The following DLC1 variants were observed in gnomAD, a reference collection of about 807,000 sequenced individuals.
DLC1 encodes DLC1 Rho GTPase activating protein.
In DLC1, 54 loss-of-function variants were observed where a neutral mutation model predicts 140.3. That is an observed-to-expected ratio of 0.38 (90% CI 0.31 to 0.48). The LOEUF (loss-of-function observed/expected upper bound fraction) is 0.48, where lower values mean the gene tolerates loss of function less well. Among genes scored for constraint, DLC1 ranks in the 20% least tolerant of loss-of-function variants. The pLI is 0.96. For synonymous variants in DLC1, 986 were observed against 728.1 expected, an observed-to-expected ratio of 1.35 and a Z score of -5.70; for missense variants, 2,536 against 1,907.0, an observed-to-expected ratio of 1.33 and a Z score of -6.14.
intron 12 of DLC1, among the ~76,000 whole-genome samples, chr8:13,093,228 A>G (rs1204600081): frequency 6.6e-6 from 1 of 152,180 alleles, no homozygotes; most frequent in Non-Finnish European, 1.5e-5. Flanking sequence ...GAAAAATCTT[A>G]TCTGAGATAT....
chr8:13,227,345 G>T (rs1828841593), intron 5 of DLC1, among the ~76,000 whole-genome samples: 1 of 152,066 alleles, frequency 6.6e-6, no homozygotes, highest in African/African-American at 2.4e-5. Flanking sequence ...CTTTATTTCA[G>T]CCCAAATCCA....
At chr8:13,410,414 T>C (rs1020265700) in intron 2 of DLC1, among the ~76,000 whole-genome samples, 2 of 152,028 alleles carry the variant, frequency 1.3e-5, no homozygotes, top group African/African-American at 4.8e-5. Context: ...ACAGAGATGA[T>C]TATATTACAA....
chr8:13,161,216 A>G (rs753588950), intron 5 of DLC1, among the ~76,000 whole-genome samples: 4 of 152,234 alleles, frequency 2.6e-5, no homozygotes, highest in Non-Finnish European at 5.9e-5. Flanking sequence ...TGAAACCTAG[A>G]TGAAGGCGTG....
At position 13,280,794 on chromosome 8, in the gene DLC1, A is replaced by T. The variant is rs77658267; in HGVS notation, c.1348+24475T>A. On this transcript the variant is annotated intron_variant, in intron 5 of 17. Coordinates refer to ENST00000276297, the MANE Select transcript of DLC1 (RefSeq NM_182643.3). Reference sequence around the variant, plus strand: ...AGTGCTGGAAGATCCTTTCAAAAGAATGTGAATAATGATGGGAAATGAAAA... The same window carrying T: ...AGTGCTGGAAGATCCTTTCAAAAGATTGTGAATAATGATGGGAAATGAAAA... Among the ~76,000 whole-genome samples, 663 of 152,298 alleles carry T rather than the reference A, an allele frequency of 4.4e-3. 22 individuals are homozygous for T. In the East Asian group the frequency reaches 0.095, roughly 22 times the overall value.
intron 2 of DLC1, among the ~76,000 whole-genome samples, chr8:13,433,172 G>T (rs991046175): frequency 1.3e-5 from 2 of 151,994 alleles, no homozygotes; most frequent in African/African-American, 4.8e-5. Context: ...AGCCTAAGAA[G>T]AATTTATGAA....
intron 5 of DLC1, among the ~76,000 whole-genome samples, chr8:13,120,356 A>AAAAAAAAAAAAAAAAAAAAATATATATAT: frequency 6.5e-5 from 4 of 61,118 alleles, no homozygotes; most frequent in African/African-American, 8.3e-5. Flanking sequence ...AAAAAAAAAA[A>AAAAAAAAAAAAAAAAAAAAATATATATAT]ATATATATAT....
Position 13,120,356 on chromosome 8 carries a change from A to AAAAAAAAAAAAATATATATAT in DLC1, c.1349-4700_1349-4699insATATATATATTTTTTTTTTTT. On this transcript the variant is annotated intron_variant, in intron 5 of 17. Transcript: ENST00000276297. ...AGACTCCGTCGCAAAAAAAAAAAAA[A>AAAAAAAAAAAAATATATATAT]ATATATATATATATAAAATGTATAT... Among the ~76,000 whole-genome samples, 229 of 61,016 alleles carry AAAAAAAAAAAAATATATATAT rather than the reference A, an allele frequency of 3.8e-3. 7 individuals carry two copies. The highest frequency in any genetic ancestry group is 9.0e-3 in the African/African-American group (216 of 23,960). The allele number at this position is 61,016 out of a possible 152,430, so 40.0% of individuals were successfully genotyped here.
intron 1 of DLC1, among the ~76,000 whole-genome samples, chr8:13,556,220 G>C (rs1300830461): frequency 6.6e-6 from 1 of 152,090 alleles, no homozygotes; most frequent in African/African-American, 2.4e-5. Flanking sequence ...TGATTTCATA[G>C]ATCTGGGACA....
chr8:13,567,472 A>G (rs983453912), intron 1 of DLC1: 2 of 1,552,106 alleles, frequency 1.3e-6, no homozygotes, highest in Non-Finnish European at 1.7e-6. Context: ...GGCTTCAGAG[A>G]GAGATGCCTT....
At chr8:13,357,368 TTA>T (rs1834994459) in intron 4 of DLC1, among the ~76,000 whole-genome samples, 1 of 152,224 alleles carries the variant, frequency 6.6e-6, no homozygotes, top group African/African-American at 2.4e-5. Flanking sequence ...GAAAACTGTT[TTA>T]TATGTCTTTG....
intron 5 of DLC1, among the ~76,000 whole-genome samples, chr8:13,299,910 G>C (rs1197890898): frequency 1.3e-5 from 2 of 152,160 alleles, no homozygotes; most frequent in South Asian, 4.1e-4. Flanking sequence ...AAATGCCACT[G>C]AGTCAGCAAT....
chr8:13,168,498 A>G (rs1825246477), intron 5 of DLC1, among the ~76,000 whole-genome samples: 1 of 152,204 alleles, frequency 6.6e-6, no homozygotes, highest in African/African-American at 2.4e-5. Context: ...TAAATGAGAC[A>G]AGTCCCAGAA....
At chr8:13,337,873 G>A (rs1008639272) in intron 4 of DLC1, among the ~76,000 whole-genome samples, 1 of 151,986 alleles carries the variant, frequency 6.6e-6, no homozygotes. Flanking sequence ...TCTTTGTACT[G>A]CTAGTGATAT....
chr8:13,567,494 T>C, intron 1 of DLC1: 3 of 1,552,078 alleles, frequency 1.9e-6, no homozygotes, highest in East Asian at 2.4e-5. Flanking sequence ...AGTTGTACTG[T>C]ACCCGATGAA....
At chr8:13,347,470 T>C (rs1203582030) in intron 4 of DLC1, among the ~76,000 whole-genome samples, 2 of 152,134 alleles carry the variant, frequency 1.3e-5, no homozygotes, top group Non-Finnish European at 2.9e-5. Flanking sequence ...GGATGGGGCA[T>C]GAGAGAGGGG....
At chr8:13,181,322 T>C (rs1023362329) in intron 5 of DLC1, among the ~76,000 whole-genome samples, 1 of 151,592 alleles carries the variant, frequency 6.6e-6, no homozygotes, top group East Asian at 1.9e-4. Context: ...TTCTTTTTTT[T>C]TTTTCTTTCT....
At chr8:13,190,144 A>G (rs1319315319) in intron 5 of DLC1, among the ~76,000 whole-genome samples, 2 of 152,238 alleles carry the variant, frequency 1.3e-5, no homozygotes, top group Non-Finnish European at 2.9e-5. Context: ...CGATGTAAAG[A>G]CTAACAAAGT....
intron 4 of DLC1, among the ~76,000 whole-genome samples, chr8:13,355,361 G>A (rs184073691): frequency 8.6e-4 from 131 of 152,222 alleles, no homozygotes; most frequent in East Asian, 7.7e-3. Context: ...GGTGATGTGC[G>A]CCTGTAATCT....
intron 5 of DLC1, among the ~76,000 whole-genome samples, chr8:13,192,421 G>T (rs140390378): frequency 3.3e-3 from 504 of 152,286 alleles, no homozygotes; most frequent in African/African-American, 0.011. Context: ...GAAGTTACCA[G>T]AGTTTTGAAG....
Sources: gnomAD v4.1 joint callset for allele counts (sites outside exome capture counted in the v4.1 genomes callset) on GRCh38, gnomAD v4.1.1 for gene constraint, MANE v1.5 for transcripts, NCBI Gene and HGNC (gene_info 2026-07-23, HGNC 2026-07-21) for gene names.